The following UBE2E2 variants were observed in gnomAD, a reference collection of about 807,000 sequenced individuals.
UBE2E2 encodes the protein ubiquitin conjugating enzyme E2 E2, also known as ubiquitin-conjugating enzyme E2 E2.
A neutral mutation model predicts 24.7 loss-of-function variants in UBE2E2; 6 were observed. The observed-to-expected ratio is 0.24, with a 90% CI of 0.13 to 0.48. The LOEUF is 0.48. Among genes scored for constraint, UBE2E2 ranks in the 20% least tolerant of loss-of-function variants. The pLI, the probability that UBE2E2 is intolerant of heterozygous loss-of-function variation, is 0.99. For missense variants in UBE2E2, 169 were observed against 245.0 expected, an observed-to-expected ratio of 0.69 and a Z score of 2.07; for synonymous variants, 104 against 83.6, an observed-to-expected ratio of 1.24 and a Z score of -1.33.
chr3:23,301,286 T>G (rs1699080313), intron 3 of UBE2E2, among the ~76,000 whole-genome samples: 1 of 152,264 alleles, frequency 6.6e-6, no homozygotes, highest in African/African-American at 2.4e-5. Context: ...TCTCAACTAA[T>G]CAAAGTCATT....
chr3:23,397,806 T>C (rs1697114725), intron 3 of UBE2E2, among the ~76,000 whole-genome samples: 2 of 152,228 alleles, frequency 1.3e-5, no homozygotes, highest in African/African-American at 2.4e-5. Context: ...TTTTTTAAGC[T>C]CCAGACTCCA....
chr3:23,239,668 G>GGGGA (rs1369898866), intron 3 of UBE2E2, among the ~76,000 whole-genome samples: 1 of 152,148 alleles, frequency 6.6e-6, no homozygotes, highest in Non-Finnish European at 1.5e-5. Flanking sequence ...GTGAAATAAG[G>GGGGA]GGGAGAGATG....
Position 23,583,046 on chromosome 3 carries a change from G to A in UBE2E2, c.509-6688G>A, listed in dbSNP as rs62256984. On this transcript the variant is annotated intron_variant, in intron 5 of 5. Coordinates refer to ENST00000396703, the MANE Select transcript of UBE2E2 (RefSeq NM_152653.4). The surrounding 1 kb of genome is among the most constrained non-coding windows in gnomAD (Gnocchi z 4.1). ...GGTATTTCCTAAGTTGTCTTCCAGG[G>A]TTTTCATAGTTTTAGGTTTTACATT... Among the ~76,000 whole-genome samples the A allele has an allele frequency of 8.6e-5, 13 of 152,042 alleles. No individual in the cohort carries two copies.
At chr3:23,426,280 A>G (rs983953985) in intron 3 of UBE2E2, among the ~76,000 whole-genome samples, 5 of 152,158 alleles carry the variant, frequency 3.3e-5, no homozygotes, top group African/African-American at 1.2e-4. Flanking sequence ...CATATGCATG[A>G]TGAGAATACC....
intron 3 of UBE2E2, among the ~76,000 whole-genome samples, chr3:23,382,492 A>G (rs1696699692): frequency 6.6e-6 from 1 of 152,150 alleles, no homozygotes; most frequent in Admixed American, 6.6e-5. Context: ...TTACTTTAAA[A>G]TCTTAAACAC....
chr3:23,570,812 T>C (rs1696201451), intron 5 of UBE2E2, among the ~76,000 whole-genome samples: 1 of 152,224 alleles, frequency 6.6e-6, no homozygotes, highest in Non-Finnish European at 1.5e-5. Flanking sequence ...AATAATAGTT[T>C]TCAAATACTA....
rs567373979 is a variant in UBE2E2 at position 23,279,081 on chromosome 3, TC to T, written c.227+61770del. Among the ~76,000 whole-genome samples the T allele has an allele frequency of 2.6e-5, 4 of 152,188 alleles. No homozygotes were observed. The South Asian group carries it at 8.3e-4, about 31-fold the overall frequency. Reference sequence around the variant, plus strand: ...AAAGGTAAAAAGTTGGGTAGAATAATCTTACCATGTAACTTATTTTTTGTTG... The same window carrying T: ...AAAGGTAAAAAGTTGGGTAGAATAATTTACCATGTAACTTATTTTTTGTTG... On this transcript the variant is annotated intron_variant, in intron 3 of 5. Transcript: ENST00000396703.
chr3:23,265,308 A>T (rs1209428025), intron 3 of UBE2E2, among the ~76,000 whole-genome samples: 1 of 152,160 alleles, frequency 6.6e-6, no homozygotes, highest in Admixed American at 6.5e-5. Context: ...TCTACTGAGA[A>T]GTTAGGGTGT....
At chr3:23,487,020 C>T (rs771641799) in intron 3 of UBE2E2, among the ~76,000 whole-genome samples, 28 of 152,186 alleles carry the variant, frequency 1.8e-4, no homozygotes, top group Non-Finnish European at 3.8e-4. Context: ...CTGTGGTGCC[C>T]AGGCTGTCTA....
chr3:23,485,995 C>T (rs997714682), intron 3 of UBE2E2, among the ~76,000 whole-genome samples: 1 of 152,158 alleles, frequency 6.6e-6, no homozygotes, highest in Non-Finnish European at 1.5e-5. Flanking sequence ...GCTTCACCAG[C>T]TGGAAACGTC....
chr3:23,446,100 T>C (rs1032027780), intron 3 of UBE2E2, among the ~76,000 whole-genome samples: 1 of 152,204 alleles, frequency 6.6e-6, no homozygotes, highest in African/African-American at 2.4e-5. Flanking sequence ...CAGAGTCTTC[T>C]TTATCACACT....
chr3:23,405,694 G>A (rs1343549147), intron 3 of UBE2E2, among the ~76,000 whole-genome samples: 2 of 152,084 alleles, frequency 1.3e-5, no homozygotes, highest in African/African-American at 2.4e-5. Flanking sequence ...AGGAAGAGAA[G>A]CAGTTCTAGT....
chr3:23,500,487 C>T (rs1446235214), intron 4 of UBE2E2, among the ~76,000 whole-genome samples: 6 of 152,062 alleles, frequency 3.9e-5, no homozygotes, highest in Admixed American at 6.5e-5. Context: ...AATATTGTGT[C>T]GTCTCCATTA....
At position 23,313,386 on chromosome 3, in the gene UBE2E2, C is replaced by CTTTTT. The variant is rs34208918; in HGVS notation, c.227+96089_227+96093dup. On this transcript the variant is annotated intron_variant, in intron 3 of 5. Transcript: ENST00000396703. ...TCTTGTAGGCAATGGATCATTGGGT[C>CTTTTT]TTTTTTTTTTTTTTTTTTTGAGGGC... Among the ~76,000 whole-genome samples the CTTTTT allele has an allele frequency of 2.4e-3, 268 of 111,792 alleles. 16 individuals are homozygous for CTTTTT. The highest frequency in any genetic ancestry group is 2.6e-3 in the Admixed American group (24 of 9,308). The allele number at this position is 111,792 out of a possible 152,430, so 73.3% of individuals were successfully genotyped here. A position where few individuals can be genotyped will look rare whatever the true frequency, so the allele number is the denominator to read the frequency against.
At chr3:23,578,099 G>GA (rs1458462401) in intron 5 of UBE2E2, among the ~76,000 whole-genome samples, 1 of 146,462 alleles carries the variant, frequency 6.8e-6, no homozygotes, top group Non-Finnish European at 1.5e-5. Context: ...AAATTTACAA[G>GA]AAAAAAAATT....
At chr3:23,301,320 C>T (rs931632394) in intron 3 of UBE2E2, among the ~76,000 whole-genome samples, 1 of 152,184 alleles carries the variant, frequency 6.6e-6, no homozygotes, top group Non-Finnish European at 1.5e-5. Flanking sequence ...TGTTCTGTTG[C>T]TGGTGAGGAG....
intron 4 of UBE2E2, among the ~76,000 whole-genome samples, chr3:23,500,498 G>A (rs1384371540): frequency 1.3e-5 from 2 of 152,124 alleles, no homozygotes; most frequent in East Asian, 1.9e-4. Context: ...GTCTCCATTA[G>A]CATTTGTTCT....
intron 3 of UBE2E2, among the ~76,000 whole-genome samples, chr3:23,344,075 G>A (rs2125312600): frequency 6.6e-6 from 1 of 152,166 alleles, no homozygotes; most frequent in East Asian, 1.9e-4. Context: ...CAGATGTACT[G>A]TGCTAATTAT....
chr3:23,457,461 CT>C (rs1698704254), intron 3 of UBE2E2, among the ~76,000 whole-genome samples: 1 of 152,308 alleles, frequency 6.6e-6, no homozygotes, highest in South Asian at 2.1e-4. Context: ...CATCAGTGAT[CT>C]TAGCTAGATA....
Sources: allele counts gnomAD v4.1 joint callset (sites outside exome capture counted in the v4.1 genomes callset), GRCh38; gene constraint gnomAD v4.1.1; non-coding constraint Gnocchi (gnomAD v3.1); transcripts MANE v1.5; gene names NCBI Gene and HGNC (gene_info 2026-07-23, HGNC 2026-07-21).